NPAS2: variants seen among roughly 807,000 people sequenced by gnomAD.
The protein encoded by NPAS2 is neuronal PAS domain-containing protein 2.
In NPAS2, 23 loss-of-function variants were observed where a neutral mutation model predicts 107.5. That is an observed-to-expected ratio of 0.21 (90% confidence interval 0.15 to 0.30). The LOEUF (loss-of-function observed/expected upper bound fraction) is 0.30, where lower values mean the gene tolerates loss of function less well. Ranked by LOEUF, NPAS2 falls within the 10% of genes least tolerant of loss-of-function variation. NPAS2 has a pLI of 1.00. For synonymous variants in NPAS2, 403 were observed against 417.5 expected, an observed-to-expected ratio of 0.97 and a Z score of 0.42; for missense variants, 756 against 1,043.3, an observed-to-expected ratio of 0.72 and a Z score of 3.79.
At chr2:100,975,247 C>T (rs1038463509) in intron 13 of NPAS2, 9 of 594,274 alleles carry the variant, frequency 1.5e-5, no homozygotes, top group Admixed American at 9.9e-5. Flanking sequence ...ACCAAGCAGC[C>T]GAAATGAAGT....
At position 100,914,442 on chromosome 2, in the gene NPAS2, C is replaced by T. The variant is rs139508072; in HGVS notation, c.32+9656C>T. ...TAGTTTTATTGGGTTAGTAAAACTC[C>T]ATGTTGATGTGCAATGGCGGATTCC... On this transcript the variant is annotated intron_variant, in intron 2 of 20. Transcript: ENST00000335681. Among the ~76,000 whole-genome samples, 8 of 152,236 alleles carry T rather than the reference C, an allele frequency of 5.3e-5. No individual in the cohort carries two copies. In the East Asian group the frequency reaches 1.2e-3, roughly 22 times the overall value.
chr2:100,892,866 C>T (rs1346742812), intron 1 of NPAS2, among the ~76,000 whole-genome samples: 1 of 151,950 alleles, frequency 6.6e-6, no homozygotes, highest in African/African-American at 2.4e-5. Flanking sequence ...TACAGGCGTG[C>T]ACCAACACAC....
At chr2:100,836,273 T>C (rs1195902163) in intron 1 of NPAS2, among the ~76,000 whole-genome samples, 1 of 152,198 alleles carries the variant, frequency 6.6e-6, no homozygotes, top group Non-Finnish European at 1.5e-5. Context: ...CTCACTTCGA[T>C]GTGTACCACC....
chr2:100,973,797 G>A (rs1676764330), intron 12 of NPAS2, among the ~76,000 whole-genome samples: 1 of 152,106 alleles, frequency 6.6e-6, no homozygotes, highest in Non-Finnish European at 1.5e-5. Context: ...GGTAATCACT[G>A]TTTTGTTTTC....
chr2:100,993,257 T>G, intron 19 of NPAS2, 90 bp from the exon 20 acceptor site: 7 of 1,284,712 alleles, frequency 5.4e-6, no homozygotes, highest in Non-Finnish European at 7.5e-6. Flanking sequence ...AAGTCCAACT[T>G]ATTTGTTTTT....
intron 5 of NPAS2, among the ~76,000 whole-genome samples, chr2:100,945,357 T>C (rs1674824059): frequency 1.3e-5 from 2 of 152,122 alleles, no homozygotes; most frequent in Admixed American, 6.6e-5. Flanking sequence ...GGCTGGCACA[T>C]GGCGGCCCTC....
At chr2:100,988,718 C>CT in intron 17 of NPAS2, 1 of 328,754 alleles carries the variant, frequency 3.0e-6, no homozygotes, top group Non-Finnish European at 5.7e-6. Flanking sequence ...CCCCAGGTGC[C>CT]CCCTGCTCCT....
At chr2:100,940,327 G>A (rs1241863839) in intron 5 of NPAS2, among the ~76,000 whole-genome samples, 1 of 152,204 alleles carries the variant, frequency 6.6e-6, no homozygotes, top group Non-Finnish European at 1.5e-5. Flanking sequence ...CCCAGGATTT[G>A]GGTCATAATT....
At chr2:100,980,264 G>A (rs1014283788) in intron 15 of NPAS2, among the ~76,000 whole-genome samples, 1 of 152,152 alleles carries the variant, frequency 6.6e-6, no homozygotes, top group Non-Finnish European at 1.5e-5. Flanking sequence ...CACTGCAGGT[G>A]GAAGGGGCAA....
intron 1 of NPAS2, among the ~76,000 whole-genome samples, chr2:100,875,507 GC>G (rs1480538616): frequency 2.7e-5 from 3 of 111,158 alleles, no homozygotes; most frequent in Admixed American, 8.6e-5. Flanking sequence ...CACACACACA[GC>G]ATGTAGGGAT....
chr2:100,937,960 G>T (rs556117168), intron 5 of NPAS2, 118 bp downstream of exon 5: 2 of 834,500 alleles, frequency 2.4e-6, no homozygotes, highest in Non-Finnish European at 2.1e-6. Context: ...AGAAGAGGGC[G>T]GAGAGTAAAG....
intron 12 of NPAS2, 84 bp from the exon 13 acceptor site, chr2:100,974,719 T>C: frequency 6.9e-7 from 1 of 1,453,918 alleles, no homozygotes; most frequent in Admixed American, 2.0e-5. Flanking sequence ...TCTGAGGTTG[T>C]CGACATATTT....
At chr2:100,859,928 A>G (rs1678829878) in intron 1 of NPAS2, among the ~76,000 whole-genome samples, 1 of 152,250 alleles carries the variant, frequency 6.6e-6, no homozygotes, top group South Asian at 2.1e-4. Context: ...TTTTTACTAA[A>G]CCATTTGAAG....
At chr2:100,819,076 C>T (rs1370545349), upstream of NPAS2, among the ~76,000 whole-genome samples, 1 of 152,078 alleles carries the variant, frequency 6.6e-6, no homozygotes, top group Admixed American at 6.5e-5. The surrounding 1 kb of genome is among the most constrained non-coding windows in gnomAD (Gnocchi z 5.8). Flanking sequence ...TTGGTAAAAT[C>T]CTCCCTGTTT....
intron 1 of NPAS2, among the ~76,000 whole-genome samples, chr2:100,882,468 G>A (rs556156860): frequency 3.4e-4 from 51 of 152,176 alleles, no homozygotes; most frequent in African/African-American, 9.6e-4. Context: ...AAAATTAGCC[G>A]GGCGTAGGTG....
chr2:100,869,900 C>CTTTTTTTTTTTTTTTTT, intron 1 of NPAS2, among the ~76,000 whole-genome samples: 1 of 82,468 alleles, frequency 1.2e-5, no homozygotes, highest in Non-Finnish European at 2.5e-5. Context: ...CTCCTGACTT[C>CTTTTTTTTTTTTTTTTT]TTTTTTTTTT....
At chr2:100,821,978 A>C (rs1422291999) in intron 1 of NPAS2, among the ~76,000 whole-genome samples, 1 of 152,248 alleles carries the variant, frequency 6.6e-6, no homozygotes, top group East Asian at 1.9e-4. Context: ...GTGCAAAGTA[A>C]AGACGTTCAG....
chr2:100,925,235 G>A lies in NPAS2; in HGVS notation c.122G>A (p.Arg41Gln), dbSNP rs1267554800. The change falls in exon 3 of 21, where the codon CGG becomes CAG. Residue 41 changes from arginine to glutamine, a missense_variant. By Grantham distance (43) the Arg-to-Gln change is conservative. Transcript: ENST00000335681. The part of the protein sequence containing the change: ...ELSSMLPGNT[R>Q]KMDKTTVLEK... ...AGTTCCATGCTCCCTGGCAACACGC[G>A]GAAAATGGACAAAACCACCGTGTTG... The A allele has an allele frequency of 1.3e-5, 21 of 1,614,040 alleles. No individual in the cohort carries two copies. Among genetic ancestry groups the A allele is most frequent in the South Asian group, 3.3e-5 (3 of 91,070 alleles).
chr2:100,963,937 T>G, intron 7 of NPAS2, 121 bp from the exon 8 acceptor site: 1 of 649,456 alleles, frequency 1.5e-6, no homozygotes, highest in Non-Finnish European at 2.8e-6. Context: ...ATGAAATGAG[T>G]TAATATACTC....
Sources: allele counts gnomAD v4.1 joint callset (sites outside exome capture counted in the v4.1 genomes callset), GRCh38; gene constraint gnomAD v4.1.1; non-coding constraint Gnocchi (gnomAD v3.1); transcripts MANE v1.5; gene names NCBI Gene and HGNC (gene_info 2026-07-23, HGNC 2026-07-21).